The following NPRL3 variants were observed in gnomAD, a reference collection of about 807,000 sequenced individuals.
NPRL3 encodes GATOR1 complex protein NPRL3.
A neutral mutation model predicts 57.2 loss-of-function variants in NPRL3; 23 were observed. The ratio of observed to expected loss-of-function variants is 0.40; its 90% CI spans 0.29 to 0.57. The LOEUF is 0.57. NPRL3 is among the 20% of genes least tolerant of loss of function. NPRL3 has a pLI of 0.42. For missense variants in NPRL3, 691 were observed against 767.1 expected (o/e 0.90, Z 1.17); for synonymous variants, 333 against 321.1 (o/e 1.04, Z -0.39).
At chr16:104,909 C>A (rs1055434137) in intron 7 of NPRL3, among the ~76,000 whole-genome samples, 5 of 152,194 alleles carry the variant, frequency 3.3e-5, no homozygotes, top group African/African-American at 4.8e-5. Flanking sequence ...GGTCTGTTAA[C>A]AAGGGGAAAG....
intron 9 of NPRL3, among the ~76,000 whole-genome samples, chr16:93,564 G>GTTTTTT (rs34541011): frequency 5.9e-5 from 8 of 135,456 alleles, no homozygotes; most frequent in Non-Finnish European, 9.6e-5. Context: ...GTGAGCAATG[G>GTTTTTT]TTTTTTTTTT....
chr16:104,119 T>TC (rs1397532337), intron 7 of NPRL3, among the ~76,000 whole-genome samples: 1 of 98,310 alleles, frequency 1.0e-5, no homozygotes, highest in Non-Finnish European at 2.0e-5. Context: ...AAAGTGAAAC[T>TC]CCATCTCAAA....
intron 4 of NPRL3, among the ~76,000 whole-genome samples, chr16:118,284 T>C (rs1900134890): frequency 1.3e-5 from 2 of 152,244 alleles, no homozygotes. Flanking sequence ...TGCAGAGAGC[T>C]GACTGGCAGG....
chr16:137,810 C>T (rs932413134), intron 2 of NPRL3, among the ~76,000 whole-genome samples: 1 of 151,968 alleles, frequency 6.6e-6, no homozygotes, highest in Non-Finnish European at 1.5e-5. Flanking sequence ...GGTGATCCAC[C>T]CGCCTCGGCC....
chr16:138,618 C>T, intron 1 of NPRL3, 24 bp downstream of exon 1: 1 of 112 alleles, frequency 8.9e-3, no homozygotes, highest in African/African-American at 0.05. Flanking sequence ...GTGGTGGACG[C>T]GGAGCAGCGC....
At chr16:97,410 A>ATTTTTTTTTTTTTTT (rs34410203) in intron 9 of NPRL3, among the ~76,000 whole-genome samples, 23 of 115,052 alleles carry the variant, frequency 2.0e-4, no homozygotes, top group African/African-American at 3.4e-4. Flanking sequence ...ACACCCAGCT[A>ATTTTTTTTTTTTTTT]TTTTTTTTTT....
intron 9 of NPRL3, among the ~76,000 whole-genome samples, chr16:93,718 A>T (rs1157178037): frequency 1.3e-5 from 2 of 152,144 alleles, no homozygotes; most frequent in African/African-American, 4.8e-5. Context: ...GGCACATGCC[A>T]CCACGCCCAG....
intron 9 of NPRL3, among the ~76,000 whole-genome samples, chr16:95,350 T>TACACACACACACACACACACACACAC: frequency 9.0e-6 from 1 of 110,986 alleles, no homozygotes; most frequent in African/African-American, 3.7e-5. Flanking sequence ...TATATATATA[T>TACACACACACACACACACACACACAC]ACACACACAC....
chr16:137,404 G>A (rs1269353107), intron 2 of NPRL3, among the ~76,000 whole-genome samples: 2 of 152,182 alleles, frequency 1.3e-5, no homozygotes, highest in African/African-American at 4.8e-5. Context: ...AACAATTCGT[G>A]CGATGAAAAA....
chr16:99,174 G>GA (rs562616630), intron 8 of NPRL3, among the ~76,000 whole-genome samples: 81 of 152,308 alleles, frequency 5.3e-4, no homozygotes, highest in African/African-American at 1.9e-3. Flanking sequence ...AGCTAGGATT[G>GA]AAAGCAAAGA....
intron 2 of NPRL3, among the ~76,000 whole-genome samples, chr16:132,018 T>A (rs1007336213): frequency 6.6e-6 from 1 of 151,770 alleles, no homozygotes; most frequent in African/African-American, 2.4e-5. Context: ...CTTTTTTTTT[T>A]TTTTTGAGAC....
intron 13 of NPRL3, among the ~76,000 whole-genome samples, 179 bp downstream of exon 13, chr16:88,519 C>T (rs1048314403): frequency 2.0e-5 from 3 of 152,260 alleles, no homozygotes; most frequent in Middle Eastern, 6.8e-3. Flanking sequence ...GGTGACAAGC[C>T]GAACCCTCAG....
At position 86,479 on chromosome 16, in the gene NPRL3, T is replaced by C; in HGVS notation, c.*226A>G. ...AGATGCCTACGCGTGCGGCAAGGACTGGAGGGAAGCGTAGGAACACAGAGG... is the reference window on the plus strand; with the variant it reads ...AGATGCCTACGCGTGCGGCAAGGACCGGAGGGAAGCGTAGGAACACAGAGG... On this transcript the variant is annotated 3_prime_UTR_variant, in exon 14 of 14. Coordinates refer to ENST00000611875, the MANE Select transcript of NPRL3 (RefSeq NM_001077350.3). 1.8e-6 allele frequency: 1 copy of C among 548,074 alleles called. No homozygotes were observed. The highest frequency in any genetic ancestry group is 2.4e-5 in the South Asian group (1 of 42,240). The allele number at this position is 548,074 out of a possible 1,614,324, so 34.0% of individuals were successfully genotyped here.
intron 9 of NPRL3, among the ~76,000 whole-genome samples, chr16:95,325 GTATATATATATA>G (rs780432969): frequency 9.8e-6 from 1 of 102,232 alleles, no homozygotes. Context: ...GTTTGTGTGT[GTATATATATATA>G]TATATATATA....
Position 124,178 on chromosome 16 carries a change from C to T in NPRL3, c.189-4923G>A, listed in dbSNP as rs1900412530. Among the ~76,000 whole-genome samples the T allele has an allele frequency of 2.6e-5, 4 of 152,186 alleles. No homozygotes were observed. In the South Asian group the frequency reaches 8.3e-4, roughly 31 times the overall value. ...GGTCACACGCTCCCCACGCTCAACG[C>T]TTACCATGGGGTTTTCTCACTAAAA... On this transcript the variant is annotated intron_variant, in intron 3 of 13. Coordinates refer to ENST00000611875, the MANE Select transcript of NPRL3 (RefSeq NM_001077350.3).
At chr16:115,649 C>A (rs1900000183) in intron 5 of NPRL3, among the ~76,000 whole-genome samples, 2 of 152,178 alleles carry the variant, frequency 1.3e-5, no homozygotes, top group African/African-American at 2.4e-5. Flanking sequence ...CCACACCTGG[C>A]TAATTTTGTA....
At chr16:110,650 C>T (rs377354383) in intron 6 of NPRL3, 44 bp from the exon 7 acceptor site, 32 of 1,499,448 alleles carry the variant, frequency 2.1e-5, no homozygotes, top group South Asian at 4.7e-5. Flanking sequence ...CGGGTTCAAG[C>T]GATTCTCCTG....
At chr16:122,257 C>T (rs545175895) in intron 3 of NPRL3, among the ~76,000 whole-genome samples, 2 of 151,966 alleles carry the variant, frequency 1.3e-5, no homozygotes, top group South Asian at 2.1e-4. Flanking sequence ...CCACCAAGCC[C>T]GGCTAATTTT....
chr16:89,307 T>TGGGGACC (rs1477746945), intron 12 of NPRL3: 1 of 264,846 alleles, frequency 3.8e-6, no homozygotes, highest in Admixed American at 4.9e-5. Context: ...TCCCCAAGCC[T>TGGGGACC]GGGGACCGGG....
Sources: allele counts gnomAD v4.1 joint callset (sites outside exome capture counted in the v4.1 genomes callset), GRCh38; gene constraint gnomAD v4.1.1; transcripts MANE v1.5; gene names NCBI Gene and HGNC (gene_info 2026-07-23, HGNC 2026-07-21).